Variants in DNAH7 observed in about 807,000 individuals in gnomAD.
DNAH7 encodes axonemal beta dynein heavy chain 7.
Under a neutral mutation model 444.6 loss-of-function variants are expected in DNAH7, and 397 were observed. The observed-to-expected ratio is 0.89, with a 90% confidence interval of 0.82 to 0.97. DNAH7 has a LOEUF of 0.97. Ranked by LOEUF, DNAH7 falls within the 50% of genes least tolerant of loss-of-function variation. The pLI is 0.00. For synonymous variants in DNAH7, 1,636 were observed against 1,624.4 expected (o/e 1.01, Z -0.17); for missense variants, 4,902 against 4,800.8 (o/e 1.02, Z -0.62).
intron 63 of DNAH7, among the ~76,000 whole-genome samples, chr2:195,749,811 A>G (rs897312169): frequency 1.5e-5 from 2 of 133,624 alleles, no homozygotes; most frequent in Non-Finnish European, 3.1e-5. Flanking sequence ...GAAGGGGAAC[A>G]TCACACTCTG....
intron 59 of DNAH7, among the ~76,000 whole-genome samples, chr2:195,777,256 A>C (rs1045450052): frequency 6.6e-6 from 1 of 152,214 alleles, no homozygotes; most frequent in Non-Finnish European, 1.5e-5. Context: ...GAAGAGCAGA[A>C]GGGAATCTTG....
chr2:195,767,276 C>T (rs1479697167), intron 61 of DNAH7, among the ~76,000 whole-genome samples: 1 of 152,074 alleles, frequency 6.6e-6, no homozygotes, highest in Non-Finnish European at 1.5e-5. Flanking sequence ...TAATTCCTCT[C>T]TGATCAGAGA....
At chr2:195,908,280 T>C (rs1687156343) in intron 25 of DNAH7, among the ~76,000 whole-genome samples, 1 of 152,080 alleles carries the variant, frequency 6.6e-6, no homozygotes, top group Admixed American at 6.6e-5. Context: ...TTTTGCTACA[T>C]GCATAGACTG....
chr2:195,747,427 C>G (rs988623980), intron 63 of DNAH7, among the ~76,000 whole-genome samples: 3 of 152,200 alleles, frequency 2.0e-5, no homozygotes, highest in African/African-American at 4.8e-5. Context: ...GAACTGGTAC[C>G]ATTCCTTCTG....
Position 196,001,800 on chromosome 2 carries a change from T to G in DNAH7, c.1048A>C (p.Thr350Pro), listed in dbSNP as rs1298797224. 1 of 1,613,014 alleles carries G rather than the reference T, an allele frequency of 6.2e-7. No individual in the cohort carries two copies. Among genetic ancestry groups the G allele is most frequent in the Non-Finnish European group, 8.5e-7 (1 of 1,179,562 alleles). ...YQGNKKKQLPTGDSSAKLESF... is the reference protein window; with the variant it reads ...YQGNKKKQLPPGDSSAKLESF... ...TCCAATTTGGCACTGCTGTCACCAGTTGGCAATTGCTTTTTTTTATTACCT... is the reference window on the plus strand; with the variant it reads ...TCCAATTTGGCACTGCTGTCACCAGGTGGCAATTGCTTTTTTTTATTACCT... The change falls in exon 11 of 65, where the codon ACT (threonine) becomes CCT (proline). Residue 350 changes from threonine to proline, a missense_variant. Thr to Pro is a conservative substitution (Grantham distance 38). Transcript: ENST00000312428.
intron 1 of DNAH7, among the ~76,000 whole-genome samples, chr2:196,064,332 T>C (rs1698297620): frequency 2.5e-5 from 1 of 40,414 alleles, no homozygotes; most frequent in African/African-American, 7.9e-5. Context: ...AATAAATAAA[T>C]AAATAAATAA....
chr2:195,932,482 C>T (rs1688765744), intron 21 of DNAH7, among the ~76,000 whole-genome samples: 1 of 152,096 alleles, frequency 6.6e-6, no homozygotes, highest in Non-Finnish European at 1.5e-5. Context: ...GACGGCATCC[C>T]TGTCTTGTGC....
intron 15 of DNAH7, 66 bp downstream of exon 15, chr2:195,984,566 A>T: frequency 7.0e-7 from 1 of 1,419,314 alleles, no homozygotes; most frequent in Non-Finnish European, 9.9e-7. Context: ...GTGATTTGTT[A>T]CTCCGCATTA....
intron 48 of DNAH7, among the ~76,000 whole-genome samples, chr2:195,833,190 C>G (rs1698156528): frequency 6.6e-6 from 1 of 152,186 alleles, no homozygotes; most frequent in South Asian, 2.1e-4. Context: ...TCATGTTCCC[C>G]TTTTCTATGT....
At chr2:195,805,813 C>T (rs1306529422) in intron 54 of DNAH7, among the ~76,000 whole-genome samples, 1 of 152,122 alleles carries the variant, frequency 6.6e-6, no homozygotes, top group Non-Finnish European at 1.5e-5. Flanking sequence ...AACAGACTGC[C>T]ACATCATGCA....
At chr2:195,743,393 G>A (rs182429308) in intron 63 of DNAH7, among the ~76,000 whole-genome samples, 1 of 152,274 alleles carries the variant, frequency 6.6e-6, no homozygotes, top group East Asian at 1.9e-4. Flanking sequence ...TCCCTCTAGA[G>A]AACCCTAATA....
At chr2:195,783,107 C>A (rs920685179) in intron 58 of DNAH7, among the ~76,000 whole-genome samples, 1 of 152,170 alleles carries the variant, frequency 6.6e-6, no homozygotes, top group Non-Finnish European at 1.5e-5. Flanking sequence ...GAAATCACCA[C>A]CAATCCACAC....
At position 196,012,454 on chromosome 2, in the gene DNAH7, A is replaced by G. The variant is rs1035914997; in HGVS notation, c.989+333T>C. On this transcript the variant is annotated intron_variant, in intron 10 of 64. Transcript: ENST00000312428. ...AATGAAGGGAGGTACAGAGCCTAGC[A>G]TGTGTTAACAGCAGATGACAAATAC... 3.3e-5 allele frequency among the ~76,000 whole-genome samples: 5 copies of G among 152,256 alleles called. No homozygotes were observed. The South Asian group carries it at 8.3e-4, about 25-fold the overall frequency.
intron 9 of DNAH7, among the ~76,000 whole-genome samples, chr2:196,016,926 C>T (rs1316181177): frequency 6.6e-6 from 1 of 152,108 alleles, no homozygotes; most frequent in East Asian, 1.9e-4. Flanking sequence ...AAATTACGAA[C>T]TCTTACTGAA....
intron 2 of DNAH7, among the ~76,000 whole-genome samples, chr2:196,053,168 A>ACCCTCT (rs1697588544): frequency 6.6e-6 from 1 of 152,196 alleles, no homozygotes; most frequent in Admixed American, 6.5e-5. Context: ...GAGTAGTAAG[A>ACCCTCT]CCCTCTCTGC....
At position 195,754,439 on chromosome 2, in the gene DNAH7, C is replaced by G. The variant is rs776058628; in HGVS notation, c.11662G>C (p.Ala3888Pro). ...TATTTCCTGGCGTAGTTCTGCTGGG[C>G]ACCGGTCAGGAAGGCTTGTGTGAAG... ...FFFTQAFLTG[A>P]QQNYARKYTI... Residue 3888 changes from alanine (A) to proline (P), a missense_variant, in exon 63 of 65, where the codon GCC becomes CCC. By Grantham distance (27) the Ala-to-Pro change is conservative (BLOSUM62 -1). Transcript: ENST00000312428. 6.2e-7 allele frequency: 1 copy of G among 1,614,062 alleles called. No homozygotes were observed. The highest frequency in any genetic ancestry group is 2.2e-5 in the East Asian group (1 of 44,878).
At chr2:195,952,679 T>C (rs562647222) in intron 19 of DNAH7, among the ~76,000 whole-genome samples, 12 of 152,322 alleles carry the variant, frequency 7.9e-5, no homozygotes, top group African/African-American at 2.9e-4. Flanking sequence ...TTTCATTAAG[T>C]TGCTCTTCAA....
chr2:195,793,086 G>A (rs1695966449), intron 57 of DNAH7, among the ~76,000 whole-genome samples: 1 of 151,832 alleles, frequency 6.6e-6, no homozygotes, highest in African/African-American at 2.4e-5. Context: ...TGTGCCACCA[G>A]GCCTGGCTAA....
chr2:196,038,897 A>T (rs1696556746), intron 5 of DNAH7, among the ~76,000 whole-genome samples: 1 of 152,220 alleles, frequency 6.6e-6, no homozygotes, highest in Admixed American at 6.5e-5. Context: ...ATATTATTAA[A>T]GTTAAGGAGA....
Sources: allele counts gnomAD v4.1 joint callset (sites outside exome capture counted in the v4.1 genomes callset), GRCh38; gene constraint gnomAD v4.1.1; transcripts MANE v1.5; gene names NCBI Gene and HGNC (gene_info 2026-07-23, HGNC 2026-07-21).